Variants in LRCH1 observed in about 807,000 individuals in gnomAD.
LRCH1 encodes leucine rich repeats and calponin homology domain containing 1.
Under a neutral mutation model 94.9 loss-of-function variants are expected in LRCH1, and 23 were observed. The observed-to-expected ratio is 0.24, with a 90% confidence interval of 0.17 to 0.34. The LOEUF is 0.34. Ranked by LOEUF, LRCH1 falls within the 10% of genes least tolerant of loss-of-function variation. The probability of loss-of-function intolerance (pLI) is 1.00; values close to 1 mark genes in which losing one functional copy is unlikely to be tolerated. For missense variants in LRCH1, 790 were observed against 945.9 expected (o/e 0.84, Z 2.16); for synonymous variants, 364 against 354.9 (o/e 1.03, Z -0.29).
rs1872615844 is a variant in LRCH1, at chr13:46,722,289, T to A, written c.1760-932T>A. On this transcript the variant is annotated intron_variant, in intron 16 of 19. Coordinates refer to ENST00000389797, the MANE Select transcript of LRCH1 (RefSeq NM_001164211.2). Reference sequence around the variant, plus strand: ...TTCCCTCCCTACCTCAATCTGAAAGTCTGTGGGATGGGGGAGCCAAGGCTC... The same window carrying A: ...TTCCCTCCCTACCTCAATCTGAAAGACTGTGGGATGGGGGAGCCAAGGCTC... Among the ~76,000 whole-genome samples the A allele has an allele frequency of 2.6e-5, 4 of 152,020 alleles. No individual in the cohort carries two copies. In the South Asian group the frequency reaches 8.3e-4, roughly 31 times the overall value.
At chr13:46,649,570 C>T (rs1188027506) in intron 1 of LRCH1, among the ~76,000 whole-genome samples, 2 of 152,064 alleles carry the variant, frequency 1.3e-5, no homozygotes, top group Non-Finnish European at 2.9e-5. Flanking sequence ...TACAATTTAT[C>T]TCAGTCTTAT....
intron 1 of LRCH1, among the ~76,000 whole-genome samples, chr13:46,560,630 C>A (rs2050120196): frequency 6.6e-6 from 1 of 152,022 alleles, no homozygotes; most frequent in African/African-American, 2.4e-5. Context: ...TCATAGGAAG[C>A]CTAGCTTCTG....
chr13:46,688,025 G>C, intron 6 of LRCH1, 46 bp downstream of exon 6: 2 of 1,561,076 alleles, frequency 1.3e-6, no homozygotes, highest in Non-Finnish European at 1.7e-6. Flanking sequence ...ATTTGCCTAG[G>C]CCAAGGCCCT....
At chr13:46,640,736 C>T (rs74076759) in intron 1 of LRCH1, among the ~76,000 whole-genome samples, 13,835 of 152,200 alleles carry the variant, frequency 0.091, 704 homozygotes, top group Middle Eastern at 0.15. Context: ...ATGACTAAAT[C>T]GCATTGCTAT....
At chr13:46,591,396 T>C (rs2050497996) in intron 1 of LRCH1, among the ~76,000 whole-genome samples, 1 of 152,210 alleles carries the variant, frequency 6.6e-6, no homozygotes, top group South Asian at 2.1e-4. Context: ...TCCAGTAACA[T>C]TTTTATGACT....
intron 8 of LRCH1, 66 bp downstream of exon 8, chr13:46,692,707 C>T (rs1171276383): frequency 8.4e-7 from 1 of 1,191,796 alleles, no homozygotes; most frequent in Non-Finnish European, 1.2e-6. Context: ...TTAAAATAAC[C>T]TGTGCACAGA....
At chr13:46,668,824 TA>T (rs2051558236) in intron 2 of LRCH1, among the ~76,000 whole-genome samples, 1 of 93,308 alleles carries the variant, frequency 1.1e-5, no homozygotes, top group African/African-American at 3.3e-5. Context: ...TTTTATTTTT[TA>T]TTTTTTTTTA....
intron 19 of LRCH1, among the ~76,000 whole-genome samples, chr13:46,735,694 T>C (rs949247320): frequency 6.6e-6 from 1 of 152,194 alleles, no homozygotes; most frequent in Non-Finnish European, 1.5e-5. Context: ...ATGATCTTTA[T>C]CTGGCAGTGT....
chr13:46,561,364 G>A (rs1371108357), intron 1 of LRCH1, among the ~76,000 whole-genome samples: 14 of 152,138 alleles, frequency 9.2e-5, no homozygotes, highest in Admixed American at 9.2e-4. Flanking sequence ...CACAGGTGTG[G>A]GATGAAACTG....
At chr13:46,669,680 C>A (rs775986723) in intron 3 of LRCH1, among the ~76,000 whole-genome samples, 2 of 152,202 alleles carry the variant, frequency 1.3e-5, no homozygotes, top group Non-Finnish European at 2.9e-5. Flanking sequence ...AGATGGATTA[C>A]AAATGTGTGT....
chr13:46,651,566 C>A (rs956333527), intron 2 of LRCH1, among the ~76,000 whole-genome samples: 1 of 151,296 alleles, frequency 6.6e-6, no homozygotes, highest in Non-Finnish European at 1.5e-5. Flanking sequence ...GAAGCTGAGG[C>A]AGGAGAATCG....
At chr13:46,741,451 G>A (rs886557828) in intron 19 of LRCH1, among the ~76,000 whole-genome samples, 191 bp from the exon 20 acceptor site, 9 of 152,244 alleles carry the variant, frequency 5.9e-5, no homozygotes, top group African/African-American at 2.2e-4. Context: ...GCACAAAATA[G>A]GTATTCTATT....
chr13:46,650,078 C>T, intron 1 of LRCH1, 123 bp from the exon 2 acceptor site: 1 of 596,352 alleles, frequency 1.7e-6, no homozygotes, highest in Non-Finnish European at 2.7e-6. Flanking sequence ...AACAGAGGTG[C>T]AAAAAAAAAT....
At chr13:46,651,874 T>G (rs553293831) in intron 2 of LRCH1, among the ~76,000 whole-genome samples, 3 of 125,930 alleles carry the variant, frequency 2.4e-5, no homozygotes, top group East Asian at 5.0e-4. Context: ...TGATGTTTTG[T>G]TTTTTTTGTT....
chr13:46,553,708 G>C lies in LRCH1; in HGVS notation c.307+5G>C, dbSNP rs757004897. On this transcript the variant is annotated splice_donor_5th_base_variant and intron_variant, in intron 1 of 19. Transcript: ENST00000389797. ...TCTCGGACACGGTGCAGGCAGGTGAGTGAGGGCCGAGGGGCGGGCAGGGGT... is the reference window on the plus strand; with the variant it reads ...TCTCGGACACGGTGCAGGCAGGTGACTGAGGGCCGAGGGGCGGGCAGGGGT... The C allele has an allele frequency of 1.2e-6, 2 of 1,608,594 alleles. No homozygotes were observed. The highest frequency in any genetic ancestry group is 2.7e-5 in the African/African-American group (2 of 74,820).
chr13:46,642,519 T>G (rs1409354986), intron 1 of LRCH1, among the ~76,000 whole-genome samples: 2 of 152,168 alleles, frequency 1.3e-5, no homozygotes, highest in East Asian at 3.8e-4. Flanking sequence ...CCCACAAATT[T>G]TCTGTGATGA....
chr13:46,619,919 G>A (rs1053692728), intron 1 of LRCH1, among the ~76,000 whole-genome samples: 22 of 152,048 alleles, frequency 1.4e-4, no homozygotes, highest in African/African-American at 5.3e-4. Flanking sequence ...ATGCAGAATT[G>A]CATTTTACAT....
At chr13:46,663,248 G>T (rs1039090151) in intron 2 of LRCH1, among the ~76,000 whole-genome samples, 1 of 152,158 alleles carries the variant, frequency 6.6e-6, no homozygotes, top group African/African-American at 2.4e-5. Context: ...CTTTACATAA[G>T]TGTAAAGATA....
chr13:46,624,736 A>G (rs2050923923), intron 1 of LRCH1, among the ~76,000 whole-genome samples: 1 of 152,222 alleles, frequency 6.6e-6, no homozygotes, highest in East Asian at 1.9e-4. Context: ...CTGCTTTAGT[A>G]AGGATGAAGC....
Sources: allele counts gnomAD v4.1 joint callset (sites outside exome capture counted in the v4.1 genomes callset), GRCh38; gene constraint gnomAD v4.1.1; transcripts MANE v1.5; gene names NCBI Gene and HGNC (gene_info 2026-07-23, HGNC 2026-07-21).